The following SOX6 variants were observed in gnomAD, a reference collection of about 807,000 sequenced individuals.
The protein encoded by SOX6 is SRY-box transcription factor 6, also known as transcription factor SOX-6.
In SOX6, 11 loss-of-function variants were observed where a neutral mutation model predicts 97.8. The ratio of observed to expected loss-of-function variants is 0.11; its 90% CI spans 0.07 to 0.19. The LOEUF (loss-of-function observed/expected upper bound fraction) is 0.19, where lower values mean the gene tolerates loss of function less well. Ranked by LOEUF, SOX6 falls within the 10% of genes least tolerant of loss-of-function variation. The pLI is 1.00. For synonymous variants in SOX6, 360 were observed against 371.4 expected (o/e 0.97, Z 0.35); for missense variants, 810 against 1,039.5 (o/e 0.78, Z 3.04).
At chr11:16,253,728 A>G (rs1853589841) in intron 3 of SOX6, among the ~76,000 whole-genome samples, 1 of 152,078 alleles carries the variant, frequency 6.6e-6, no homozygotes, top group South Asian at 2.1e-4. Context: ...TGGAACAACT[A>G]CAAATGGTAT....
At chr11:16,540,210 C>G (rs1361525237) in intron 4 of SOX6, among the ~76,000 whole-genome samples, 2 of 152,014 alleles carry the variant, frequency 1.3e-5, no homozygotes, top group South Asian at 2.1e-4. Context: ...ACAGAACCAA[C>G]AACAAAAACC....
At chr11:16,263,569 T>C (rs1300923521) in intron 3 of SOX6, among the ~76,000 whole-genome samples, 1 of 151,938 alleles carries the variant, frequency 6.6e-6, no homozygotes, top group African/African-American at 2.4e-5. Context: ...TTTCTCAAAG[T>C]CTTCAAGTAA....
chr11:16,640,952 C>T (rs1400410339), intron 3 of SOX6, among the ~76,000 whole-genome samples: 2 of 152,018 alleles, frequency 1.3e-5, no homozygotes, highest in South Asian at 2.1e-4. Context: ...CTTCTGCTAG[C>T]TTTTGAATTT....
intron 6 of SOX6, among the ~76,000 whole-genome samples, chr11:16,131,199 GA>G (rs372373410): frequency 2.7e-4 from 40 of 147,316 alleles, no homozygotes; most frequent in African/African-American, 8.2e-4. Context: ...CTGCCAAAAA[GA>G]AAAAAAAATA....
At chr11:16,655,664 T>G (rs1367354451) in intron 3 of SOX6, among the ~76,000 whole-genome samples, 1 of 152,242 alleles carries the variant, frequency 6.6e-6, no homozygotes, top group Non-Finnish European at 1.5e-5. Flanking sequence ...CTTCATTCTC[T>G]TGTTCTGAAA....
At chr11:16,416,366 C>G (rs932807129) in intron 1 of SOX6, among the ~76,000 whole-genome samples, 2 of 152,212 alleles carry the variant, frequency 1.3e-5, no homozygotes. Flanking sequence ...TCTAGTCTCT[C>G]TGGAACTATA....
intron 1 of SOX6, among the ~76,000 whole-genome samples, chr11:16,430,896 C>T (rs1403724231): frequency 1.3e-5 from 2 of 152,160 alleles, no homozygotes; most frequent in Admixed American, 6.5e-5. Flanking sequence ...GAGAACCCAT[C>T]TTCTTCAGGT....
At chr11:16,385,156 C>G (rs1465502791) in intron 1 of SOX6, among the ~76,000 whole-genome samples, 1 of 152,018 alleles carries the variant, frequency 6.6e-6, no homozygotes, top group Non-Finnish European at 1.5e-5. Flanking sequence ...CTAAATGAAA[C>G]AGTCACACAG....
intron 7 of SOX6, among the ~76,000 whole-genome samples, chr11:16,103,353 A>C (rs2133983457): frequency 6.6e-6 from 1 of 151,680 alleles, no homozygotes; most frequent in South Asian, 2.1e-4. Context: ...GAATGGTCAT[A>C]ATAAAAAAAA....
In SOX6 at chr11:15,972,678, T is replaced by C; in HGVS notation, c.*131A>G. On this transcript the variant is annotated 3_prime_UTR_variant, in exon 16 of 16. Coordinates refer to ENST00000683767, the MANE Select transcript of SOX6 (RefSeq NM_001367873.1). The stretch of plus-strand genomic sequence containing the variant: ...AGGGAAAACTTAATCTGTCTCACAC[T>C]TTACGAAACAATTAAGACCATTCTG... 3 of 995,884 alleles carry C rather than the reference T, an allele frequency of 3.0e-6. No homozygotes were observed. The highest frequency in any genetic ancestry group is 4.6e-6 in the Non-Finnish European group (3 of 647,028). 61.7% of individuals were successfully genotyped at this position (995,884 alleles called of 1,614,324 possible). A position where few individuals can be genotyped will look rare whatever the true frequency, so the allele number is the denominator to read the frequency against.
At chr11:16,502,143 T>A (rs574486505) in intron 4 of SOX6, among the ~76,000 whole-genome samples, 1 of 152,170 alleles carries the variant, frequency 6.6e-6, no homozygotes, top group Non-Finnish European at 1.5e-5. Context: ...TAAAAAATGA[T>A]GAGTTCATGT....
intron 3 of SOX6, among the ~76,000 whole-genome samples, chr11:16,714,448 TTTC>T (rs1590061747): frequency 6.7e-6 from 1 of 149,696 alleles, no homozygotes; most frequent in Non-Finnish European, 1.5e-5. Context: ...TTTAATTTTC[TTTC>T]TTTTTTTTTT....
chr11:16,698,285 A>G (rs1467347934), intron 3 of SOX6, among the ~76,000 whole-genome samples: 1 of 152,132 alleles, frequency 6.6e-6, no homozygotes, highest in Non-Finnish European at 1.5e-5. Flanking sequence ...TGTTATAGAG[A>G]CAGCTACTTT....
At chr11:16,268,271 A>G (rs918773376) in intron 3 of SOX6, among the ~76,000 whole-genome samples, 6 of 151,258 alleles carry the variant, frequency 4.0e-5, no homozygotes, top group African/African-American at 1.5e-4. Context: ...ATTTTCAAAA[A>G]TCATCATATC....
At chr11:16,013,214 T>G (rs907410059) in intron 13 of SOX6, among the ~76,000 whole-genome samples, 2 of 152,026 alleles carry the variant, frequency 1.3e-5, no homozygotes, top group African/African-American at 4.8e-5. Flanking sequence ...GCTCTGTAAC[T>G]ACCAGTCTGT....
rs550610088 is a variant in SOX6, at chr11:16,123,463, T to A, written c.778-11540A>T. 5.9e-5 allele frequency among the ~76,000 whole-genome samples: 9 copies of A among 152,104 alleles called. No individual in the cohort carries two copies. The East Asian group carries it at 1.7e-3, about 29-fold the overall frequency. The stretch of plus-strand genomic sequence containing the variant: ...GAGAGACAGTACCTGTACATGTGAT[T>A]GGGGGGCAGGGAGATAAAGTAAGGC... On this transcript the variant is annotated intron_variant, in intron 6 of 15. Transcript: ENST00000683767.
chr11:16,048,036 G>C (rs1847582026), intron 11 of SOX6, among the ~76,000 whole-genome samples: 2 of 152,090 alleles, frequency 1.3e-5, no homozygotes. Flanking sequence ...AATATGCTCT[G>C]CTGAGTAGAG....
At chr11:16,197,422 C>T (rs1851812891) in intron 4 of SOX6, among the ~76,000 whole-genome samples, 1 of 152,134 alleles carries the variant, frequency 6.6e-6, no homozygotes, top group South Asian at 2.1e-4. Flanking sequence ...CTCATAGTTT[C>T]CTGAATTACA....
chr11:16,343,145 C>G (rs562233664), intron 1 of SOX6, among the ~76,000 whole-genome samples: 14 of 151,834 alleles, frequency 9.2e-5, no homozygotes, highest in African/African-American at 3.4e-4. Context: ...CTTTACCGGC[C>G]CCATAACTAC....
Sources: gnomAD v4.1 joint callset for allele counts (sites outside exome capture counted in the v4.1 genomes callset) on GRCh38, gnomAD v4.1.1 for gene constraint, MANE v1.5 for transcripts, NCBI Gene and HGNC (gene_info 2026-07-23, HGNC 2026-07-21) for gene names.